The following L3HYPDH variants were observed in gnomAD, a reference collection of about 807,000 sequenced individuals.
The protein encoded by L3HYPDH is trans-L-3-hydroxyproline dehydratase.
In L3HYPDH, 32 loss-of-function variants were observed where a neutral mutation model predicts 26.5. That is an observed-to-expected ratio of 1.21 (90% CI 0.91 to 1.62). The LOEUF (loss-of-function observed/expected upper bound fraction) is 1.62, where lower values mean the gene tolerates loss of function less well. L3HYPDH is among the 40% of genes most tolerant of loss of function. The pLI is 0.00. For missense variants in L3HYPDH, 554 were observed against 476.4 expected, an observed-to-expected ratio of 1.16 and a Z score of -1.52; for synonymous variants, 215 against 196.6, an observed-to-expected ratio of 1.09 and a Z score of -0.78.
the L3HYPDH span, among the ~76,000 whole-genome samples, chr14:59,491,104 A>G: frequency 6.6e-6 from 1 of 152,340 alleles, no homozygotes; most frequent in East Asian, 1.9e-4. Context: ...TACAGTCCAG[A>G]TAGATGGGGG....
downstream of L3HYPDH, among the ~76,000 whole-genome samples, chr14:59,469,567 A>G (rs1889264327): frequency 6.8e-6 from 1 of 147,136 alleles, no homozygotes; most frequent in Non-Finnish European, 1.5e-5. Flanking sequence ...TTAAAAAAAA[A>G]AAAAAAAAAA....
chr14:59,484,961 T>C, upstream of L3HYPDH: 4 of 1,529,850 alleles, frequency 2.6e-6, no homozygotes, highest in Non-Finnish European at 1.7e-6. Context: ...TGCTGCATAA[T>C]TTGTCTACTG....
chr14:59,484,147 T>G lies in L3HYPDH; in HGVS notation c.170A>C (p.His57Pro). 1 of 1,601,232 alleles carries G rather than the reference T, an allele frequency of 6.2e-7. No individual in the cohort carries two copies. Among genetic ancestry groups the G allele is most frequent in the Non-Finnish European group, 8.5e-7 (1 of 1,179,254 alleles). ...LLAKRRYMRQHLDHVRRRLMF... is the reference protein window; with the variant it reads ...LLAKRRYMRQPLDHVRRRLMF... ...GAGCCGTCGCCGCACGTGGTCAAGG[T>G]GCTGGCGCATGTAGCGCCGCTTGGC... is the stretch of plus-strand genomic sequence containing the variant. Residue 57 changes from histidine (H) to proline (P), a missense_variant, in exon 1 of 5, where the codon CAC (histidine) becomes CCC (proline). Physicochemically the swap from His to Pro is moderately conservative, Grantham distance 77 (BLOSUM62 -2). Transcript: ENST00000247194.
At position 59,467,103 on chromosome 14, in the gene L3HYPDH, C is replaced by T. The variant is rs114919470; in HGVS notation, n.31-5930G>A. On this transcript the variant is annotated intron_variant and non_coding_transcript_variant, in intron 1 of 2. Transcript: ENST00000466522. ...CCCAGCCCAAATAAGCTTAAGCCAC[C>T]GGCCAACACAGTATATTACAGTGTG... Among the ~76,000 whole-genome samples, 201 of 152,094 alleles carry T rather than the reference C, an allele frequency of 1.3e-3. 1 individual carries two copies. The highest frequency in any genetic ancestry group is 4.5e-3 in the African/African-American group (186 of 41,462).
downstream of L3HYPDH, among the ~76,000 whole-genome samples, chr14:59,468,328 G>A (rs1889242197): frequency 6.6e-6 from 1 of 152,178 alleles, no homozygotes; most frequent in Non-Finnish European, 1.5e-5. Flanking sequence ...TTCCTCTCTA[G>A]TCTCATTCGG....
upstream of L3HYPDH, chr14:59,486,731 C>T: frequency 6.3e-7 from 1 of 1,591,140 alleles, no homozygotes; most frequent in Non-Finnish European, 8.6e-7. Context: ...ATTCAACCAG[C>T]ATGCCTTGGA....
chr14:59,480,471 CT>C (rs1489905138), intron 1 of L3HYPDH, among the ~76,000 whole-genome samples: 6 of 152,186 alleles, frequency 3.9e-5, no homozygotes, highest in Non-Finnish European at 5.9e-5. Context: ...GGCCACAGCA[CT>C]TTTAAGAAAC....
At chr14:59,481,050 T>C (rs1404457114) in intron 1 of L3HYPDH, among the ~76,000 whole-genome samples, 1 of 152,160 alleles carries the variant, frequency 6.6e-6, no homozygotes, top group African/African-American at 2.4e-5. Flanking sequence ...TCAGGAGAAG[T>C]CATCCCTGAG....
intron 2 of L3HYPDH, among the ~76,000 whole-genome samples, chr14:59,476,486 A>G (rs985212812): frequency 1.3e-5 from 2 of 152,170 alleles, no homozygotes; most frequent in African/African-American, 4.8e-5. Context: ...GTCCTATTTT[A>G]TACACCCCTC....
chr14:59,485,400 T>C, upstream of L3HYPDH: 1 of 327,276 alleles, frequency 3.1e-6, no homozygotes. Flanking sequence ...CCGAAATTTG[T>C]TAAAAGCGAA....
intron 4 of L3HYPDH, chr14:59,474,720 G>A: frequency 2.2e-6 from 1 of 446,036 alleles, no homozygotes; most frequent in Non-Finnish European, 4.0e-6. Flanking sequence ...TAACAGCACA[G>A]TACTGACCTT....
At chr14:59,491,328 A>G in the L3HYPDH span, among the ~76,000 whole-genome samples, 4 of 152,210 alleles carry the variant, frequency 2.6e-5, no homozygotes, top group African/African-American at 9.7e-5. Flanking sequence ...GAAAGACAAA[A>G]AGACTCAAAA....
At chr14:59,502,936 G>A in the L3HYPDH span, among the ~76,000 whole-genome samples, 1 of 151,386 alleles carries the variant, frequency 6.6e-6, no homozygotes, top group African/African-American at 2.4e-5. Context: ...GTTTTTAGTA[G>A]ACGGGGTTTC....
the L3HYPDH span, chr14:59,495,178 G>GA: frequency 6.2e-7 from 1 of 1,613,710 alleles, no homozygotes; most frequent in Non-Finnish European, 8.5e-7. Context: ...CCCAAGTCCA[G>GA]ATTACGTTAC....
the L3HYPDH span, among the ~76,000 whole-genome samples, chr14:59,494,322 A>G: frequency 6.6e-6 from 1 of 152,246 alleles, no homozygotes; most frequent in African/African-American, 2.4e-5. Flanking sequence ...TAACCACAGA[A>G]TGGATAAACA....
chr14:59,485,444 T>G (rs1317381932), upstream of L3HYPDH: 3 of 224,010 alleles, frequency 1.3e-5, no homozygotes, highest in Non-Finnish European at 2.6e-5. Flanking sequence ...TTCAATGCTG[T>G]TTCTCTTTTT....
chr14:59,483,990 C>T lies in L3HYPDH; in HGVS notation c.327G>A (p.Leu109=), dbSNP rs752126073. Residue 109 remains leucine (L), a synonymous_variant, in exon 1 of 5, where the codon CTG becomes CTA. Coordinates refer to ENST00000247194, the MANE Select transcript of L3HYPDH (RefSeq NM_144581.2). ...GYSSMCGHAV[L]ALGRFALDFG... ...AGTCCAAAGCGAAGCGGCCCAGCGCCAGCACTGCGTGGCCGCACATGGAGC... is the reference window on the plus strand; with the variant it reads ...AGTCCAAAGCGAAGCGGCCCAGCGCTAGCACTGCGTGGCCGCACATGGAGC... 3 of 1,590,190 alleles carry T rather than the reference C, an allele frequency of 1.9e-6. No homozygotes were observed. The highest frequency in any genetic ancestry group is 2.2e-5 in the South Asian group (2 of 89,126).
At chr14:59,505,102 C>A in the L3HYPDH span, 1 of 445,406 alleles carries the variant, frequency 2.2e-6, no homozygotes, top group Non-Finnish European at 4.0e-6. Flanking sequence ...TTTACTGATA[C>A]TTGGTGGAGG....
In L3HYPDH at chr14:59,479,313, C is replaced by T. The variant is rs779635372; in HGVS notation, c.547G>A (p.Val183Met). The T allele has an allele frequency of 6.2e-7, 1 of 1,613,074 alleles. No individual in the cohort carries two copies. Among genetic ancestry groups the T allele is most frequent in the African/African-American group, 1.3e-5 (1 of 74,826 alleles). Residue 183 changes from valine (V) to methionine (M), a missense_variant, in exon 2 of 5, where the codon GTG becomes ATG. Coordinates refer to ENST00000247194, the MANE Select transcript of L3HYPDH (RefSeq NM_144581.2). ...VDVPGHGKVM[V>M]DIAYGGAFYA... ...AATGCACCGCCATATGCAATGTCCA[C>T]CATCACCTTTCCATGTCCAGGAACA...
Sources: allele counts gnomAD v4.1 joint callset (sites outside exome capture counted in the v4.1 genomes callset), GRCh38; gene constraint gnomAD v4.1.1; transcripts MANE v1.5; gene names NCBI Gene and HGNC (gene_info 2026-07-23, HGNC 2026-07-21).